Variants in ADGRB1 observed in about 807,000 individuals in gnomAD.
ADGRB1 encodes adhesion G protein-coupled receptor B1.
Under a neutral mutation model 175.7 loss-of-function variants are expected in ADGRB1, and 36 were observed. That is an observed-to-expected ratio of 0.20 (90% CI 0.16 to 0.27). The LOEUF (loss-of-function observed/expected upper bound fraction) is 0.27, where lower values mean the gene tolerates loss of function less well. Among genes scored for constraint, ADGRB1 ranks in the 10% least tolerant of loss-of-function variants. The pLI is 1.00. For missense variants in ADGRB1, 1,731 were observed against 2,255.3 expected, an observed-to-expected ratio of 0.77 and a Z score of 4.71; for synonymous variants, 1,054 against 979.4, an observed-to-expected ratio of 1.08 and a Z score of -1.42.
intron 2 of ADGRB1, among the ~76,000 whole-genome samples, chr8:142,466,197 A>C (rs896265400): frequency 1.2e-4 from 18 of 152,164 alleles, no homozygotes; most frequent in African/African-American, 4.3e-4. Flanking sequence ...GCTGGGCTGT[A>C]TACTCAAGGC....
intron 2 of ADGRB1, among the ~76,000 whole-genome samples, chr8:142,465,196 C>A (rs1392163997): frequency 6.6e-6 from 1 of 152,192 alleles, no homozygotes; most frequent in Non-Finnish European, 1.5e-5. Context: ...TGGCACCCTC[C>A]CAGGCGCCTG....
chr8:142,469,163 GTGTGTGTGC>G (rs1840448552), intron 2 of ADGRB1, among the ~76,000 whole-genome samples: 1 of 1,404 alleles, frequency 7.1e-4, no homozygotes, highest in Non-Finnish European at 1.9e-3. Context: ...GTGCATGTGT[GTGTGTGTGC>G]ATGTGTGTGA....
intron 16 of ADGRB1, 93 bp from the exon 17 acceptor site, chr8:142,490,679 G>A: frequency 2.1e-6 from 3 of 1,413,476 alleles, no homozygotes; most frequent in South Asian, 1.2e-5. Context: ...TAGCATGCCT[G>A]GTAGCACACC....
At chr8:142,503,270 T>C (rs552313164) in intron 17 of ADGRB1, among the ~76,000 whole-genome samples, 1 of 152,010 alleles carries the variant, frequency 6.6e-6, no homozygotes, top group Non-Finnish European at 1.5e-5. Flanking sequence ...TCCGAGGTCA[T>C]GGCGGTCTGG....
rs1401084391 is a variant in ADGRB1, at chr8:142,510,665, G to T, written c.2676-267G>T. ...CTCGCCCCCCGCCCCGCCCCCGATC[G>T]CTCGGCTCCCCCGCCCGGCGCTCCC... On this transcript the variant is annotated intron_variant, in intron 17 of 30. Transcript: ENST00000517894. This position sits in a 1 kb window ranked among gnomAD's most constrained non-coding sequence, Gnocchi z 6.3. Among the ~76,000 whole-genome samples the T allele has an allele frequency of 1.4e-5, 2 of 145,242 alleles. No individual in the cohort carries two copies. Among genetic ancestry groups the T allele is most frequent in the Non-Finnish European group, 3.1e-5 (2 of 65,484 alleles).
At chr8:142,528,240 C>T (rs773275207) in intron 24 of ADGRB1, among the ~76,000 whole-genome samples, 81 of 152,374 alleles carry the variant, frequency 5.3e-4, no homozygotes, top group Non-Finnish European at 3.4e-4. Flanking sequence ...GAAGGCGCAG[C>T]GGCCTCCCTC....
chr8:142,509,858 C>T (rs66787637), intron 17 of ADGRB1, among the ~76,000 whole-genome samples: 12,810 of 152,276 alleles, frequency 0.084, 719 homozygotes, highest in East Asian at 0.18. Context: ...TGGAGTCCCT[C>T]CTCCACCAGG....
intron 2 of ADGRB1, among the ~76,000 whole-genome samples, chr8:142,469,955 A>G (rs935564186): frequency 5.3e-5 from 8 of 152,176 alleles, no homozygotes; most frequent in Non-Finnish European, 1.0e-4. Context: ...GGACACTGGG[A>G]CAGGCTTGTC....
At chr8:142,528,607 C>T (rs1481575900) in intron 24 of ADGRB1, among the ~76,000 whole-genome samples, 2 of 152,210 alleles carry the variant, frequency 1.3e-5, no homozygotes. Context: ...GTCCTCTCTG[C>T]CGCCGATGCC....
chr8:142,525,672 G>A (rs1317720857), intron 23 of ADGRB1, among the ~76,000 whole-genome samples: 1 of 152,180 alleles, frequency 6.6e-6, no homozygotes, highest in Non-Finnish European at 1.5e-5. Context: ...TGAGCTGGAG[G>A]GCTACACGGT....
rs1452365221 is a variant in ADGRB1, at chr8:142,542,872, A to C, written c.4413+225A>C. 6.6e-6 allele frequency among the ~76,000 whole-genome samples: 1 copy of C among 152,186 alleles called. No homozygotes were observed. The highest frequency in any genetic ancestry group is 1.5e-5 in the Non-Finnish European group (1 of 68,016). On this transcript the variant is annotated intron_variant, in intron 28 of 30. Coordinates refer to ENST00000517894, the MANE Select transcript of ADGRB1 (RefSeq NM_001702.3). This position sits in a 1 kb window ranked among gnomAD's most constrained non-coding sequence, Gnocchi z 6.3. ...GTCTCACCCCGTTTCAAAGGGGCTC[A>C]GGGACCCACAGTCTGGACCCACGGA...
intron 24 of ADGRB1, among the ~76,000 whole-genome samples, chr8:142,531,955 C>T (rs1397807384): frequency 1.3e-5 from 2 of 152,144 alleles, no homozygotes; most frequent in Non-Finnish European, 2.9e-5. Flanking sequence ...GCATTGGTGG[C>T]CAAGCCACAC....
chr8:142,490,707 G>A, intron 16 of ADGRB1, 65 bp from the exon 17 acceptor site: 1 of 1,520,794 alleles, frequency 6.6e-7, no homozygotes, highest in South Asian at 1.2e-5. Context: ...GGGTCCCATG[G>A]TGACCCGAGG....
At chr8:142,454,220 G>T (rs1197892560) in intron 1 of ADGRB1, among the ~76,000 whole-genome samples, 1 of 152,284 alleles carries the variant, frequency 6.6e-6, no homozygotes, top group Non-Finnish European at 1.5e-5. Flanking sequence ...TGCACAAGAC[G>T]CAGGCCACAT....
intron 13 of ADGRB1, among the ~76,000 whole-genome samples, chr8:142,487,474 G>T (rs1466373757): frequency 6.6e-6 from 1 of 152,180 alleles, no homozygotes. Context: ...GCAAAACCCT[G>T]TTCTCGGGCA....
At chr8:142,452,336 C>T (rs958716350) in intron 1 of ADGRB1, among the ~76,000 whole-genome samples, 1 of 152,214 alleles carries the variant, frequency 6.6e-6, no homozygotes, top group Non-Finnish European at 1.5e-5. Context: ...TTGCCGCCTC[C>T]GATCCCAGGG....
chr8:142,520,706 G>T, intron 19 of ADGRB1, 117 bp from the exon 20 acceptor site: 1 of 754,140 alleles, frequency 1.3e-6, no homozygotes, highest in Non-Finnish European at 2.3e-6. Flanking sequence ...TGGTGCTGTT[G>T]GTGACAATGC....
At position 142,489,113 on chromosome 8, in the gene ADGRB1, G is replaced by A. The variant is rs773149434; in HGVS notation, c.2528+3G>A. 3 of 1,601,886 alleles carry A rather than the reference G, an allele frequency of 1.9e-6. No individual in the cohort carries two copies. The highest frequency in any genetic ancestry group is 2.2e-5 in the South Asian group (2 of 89,640). Reference sequence around the variant, plus strand: ...GGCAGCTTCCTGGCCCTGCAGAGGTGGGGAGCCCTGGGCAGGTGGGGTGGG... The same window carrying A: ...GGCAGCTTCCTGGCCCTGCAGAGGTAGGGAGCCCTGGGCAGGTGGGGTGGG... On this transcript the variant is annotated splice_donor_region_variant and intron_variant, in intron 15 of 30. Transcript: ENST00000517894.
At chr8:142,480,689 G>T (rs1049636015) in intron 9 of ADGRB1, among the ~76,000 whole-genome samples, 46 of 152,224 alleles carry the variant, frequency 3.0e-4, no homozygotes, top group Non-Finnish European at 5.6e-4. Context: ...AGGTGTCAGG[G>T]CTGCGACAGT....
Sources: gnomAD v4.1 joint callset for allele counts (sites outside exome capture counted in the v4.1 genomes callset) on GRCh38, gnomAD v4.1.1 for gene constraint, Gnocchi (gnomAD v3.1) non-coding constraint, MANE v1.5 for transcripts, NCBI Gene and HGNC (gene_info 2026-07-23, HGNC 2026-07-21) for gene names.